AMOTL1: variants seen among roughly 807,000 people sequenced by gnomAD.
AMOTL1 encodes angiomotin like 1.
In AMOTL1, 45 loss-of-function variants were observed where a neutral mutation model predicts 102.9. That is an observed-to-expected ratio of 0.44 (90% CI 0.34 to 0.56). The LOEUF (loss-of-function observed/expected upper bound fraction) is 0.56. AMOTL1 is among the 20% of genes least tolerant of loss of function. AMOTL1 has a pLI of 0.01. For missense variants in AMOTL1, 1,114 were observed against 1,225.6 expected, an observed-to-expected ratio of 0.91 and a Z score of 1.36; for synonymous variants, 481 against 484.7, an observed-to-expected ratio of 0.99 and a Z score of 0.10.
intron 3 of AMOTL1, among the ~76,000 whole-genome samples, chr11:94,808,965 CTTTTTT>C (rs199619372): frequency 2.8e-4 from 31 of 111,910 alleles, no homozygotes; most frequent in Admixed American, 1.1e-3. Context: ...TTCTTTCTTT[CTTTTTT>C]TTTTTTTTTT....
At chr11:94,793,464 C>CTGG (rs1951318686) in intron 1 of AMOTL1, among the ~76,000 whole-genome samples, 1 of 152,208 alleles carries the variant, frequency 6.6e-6, no homozygotes, top group African/African-American at 2.4e-5. Flanking sequence ...TTGAATAGAT[C>CTGG]TGGGTGGTTC....
rs373703448 is a variant in AMOTL1 at position 94,817,215 on chromosome 11, CT to C, written c.1122-4305del. ...TGCTCTCAAAGAATAAAGGTTTATG[CT>C]TTTTTTTTTGGAAATCGTTGAGTTA... is the stretch of plus-strand genomic sequence containing the variant. On this transcript the variant is annotated intron_variant, in intron 3 of 12. Transcript: ENST00000433060. Among the ~76,000 whole-genome samples the C allele has an allele frequency of 9.4e-3, 1,380 of 147,456 alleles. 20 individuals carry two copies. The highest frequency in any genetic ancestry group is 0.032 in the African/African-American group (1,272 of 40,250).
In AMOTL1 at chr11:94,800,122, C is replaced by T; in HGVS notation, c.932C>T (p.Pro311Leu). ...GKVLDPRGPP[P>L]EYPFKTKQMM... The stretch of plus-strand genomic sequence containing the variant: ...GTGCTGGACCCTCGGGGTCCTCCAC[C>T]TGAGTACCCCTTCAAGACCAAGCAA... Residue 311 changes from proline (P) to leucine (L), a missense_variant, in exon 3 of 13, where the codon CCT becomes CTT. Transcript: ENST00000433060. The T allele has an allele frequency of 2.5e-6, 4 of 1,613,974 alleles. No individual in the cohort carries two copies. The highest frequency in any genetic ancestry group is 3.4e-6 in the Non-Finnish European group (4 of 1,179,886).
intron 1 of AMOTL1, among the ~76,000 whole-genome samples, chr11:94,781,842 GAAAAAAAAA>G (rs780080729): frequency 1.8e-5 from 2 of 109,428 alleles, no homozygotes; most frequent in African/African-American, 6.8e-5. Flanking sequence ...TCAAAAAGAA[GAAAAAAAAA>G]AAAAGAAAAA....
intron 6 of AMOTL1, among the ~76,000 whole-genome samples, chr11:94,831,907 T>C (rs1452202520): frequency 6.6e-6 from 1 of 152,190 alleles, no homozygotes; most frequent in Admixed American, 6.5e-5. Context: ...TGGTTCTCTC[T>C]AGGGAGGTTT....
Position 94,855,539 on chromosome 11 carries a change from A to G in AMOTL1, c.1944+1457A>G, listed in dbSNP as rs564869287. On this transcript the variant is annotated intron_variant, in intron 8 of 12. Transcript: ENST00000433060. ...CACTGGCCCACAGTAGACACTGATT[A>G]GTCTTTCTTTGGCTAACCAAATGGG... 2.7e-4 allele frequency among the ~76,000 whole-genome samples: 41 copies of G among 152,272 alleles called. 1 individual carries two copies. In the South Asian group the frequency reaches 8.3e-3, roughly 31 times the overall value.
rs775540268 is a variant in AMOTL1 at position 94,870,763 on chromosome 11, C to T, written c.2839C>T (p.Pro947Ser). 9 of 1,601,506 alleles carry T rather than the reference C, an allele frequency of 5.6e-6. No individual in the cohort carries two copies. In the African/African-American group the frequency reaches 9.4e-5, roughly 17 times the overall value. The change falls in exon 13 of 13, where the codon CCT becomes TCT. Residue 947 changes from proline to serine, a missense_variant. Pro to Ser is a moderately conservative substitution (Grantham distance 74, BLOSUM62 -1). Coordinates refer to ENST00000433060, the MANE Select transcript of AMOTL1 (RefSeq NM_130847.3). ...VSSLLHKPEF[P>S]DGEMMEVLI The stretch of plus-strand genomic sequence containing the variant: ...CAGCTTGCTGCACAAGCCCGAGTTC[C>T]CTGATGGAGAGATGATGGAAGTCCT...
intron 2 of AMOTL1, 87 bp downstream of exon 2, chr11:94,795,247 T>C: frequency 6.8e-7 from 1 of 1,475,810 alleles, no homozygotes; most frequent in Non-Finnish European, 9.2e-7. Flanking sequence ...TTCAGATGTT[T>C]ATTCTCTAAT....
At position 94,799,541 on chromosome 11, in the gene AMOTL1, C is replaced by T; in HGVS notation, c.351C>T (p.Asn117=). The T allele has an allele frequency of 6.2e-7, 1 of 1,613,812 alleles. No individual in the cohort carries two copies. Among genetic ancestry groups the T allele is most frequent in the East Asian group, 2.2e-5 (1 of 44,854 alleles). ...LRYGTPTENM[N]LLAIQHQATG... ...ATGGCACCCCAACCGAGAACATGAACTTGCTGGCCATTCAGCACCAGGCCA... is the reference window on the plus strand; with the variant it reads ...ATGGCACCCCAACCGAGAACATGAATTTGCTGGCCATTCAGCACCAGGCCA... Residue 117 remains asparagine (N), a synonymous_variant, in exon 3 of 13, where the codon AAC becomes AAT. Transcript: ENST00000433060. The surrounding 1 kb of genome is among the most constrained non-coding windows in gnomAD (Gnocchi z 4.5).
intron 6 of AMOTL1, among the ~76,000 whole-genome samples, chr11:94,843,069 AGCAGAAAGCT>A (rs1277208665): frequency 6.6e-6 from 1 of 152,250 alleles, no homozygotes; most frequent in African/African-American, 2.4e-5. Flanking sequence ...GCTCAGGGAC[AGCAGAAAGCT>A]GAAGACCCTT....
intron 6 of AMOTL1, 28 bp from the exon 7 acceptor site, chr11:94,850,086 G>T: frequency 6.4e-7 from 1 of 1,567,670 alleles, no homozygotes; most frequent in Non-Finnish European, 8.7e-7. Context: ...TTCTGATAGA[G>T]GTAGTTTTGT....
intron 1 of AMOTL1, among the ~76,000 whole-genome samples, chr11:94,721,622 G>C (rs890082565): frequency 6.6e-6 from 1 of 152,074 alleles, no homozygotes; most frequent in African/African-American, 2.4e-5. Flanking sequence ...GTGGTCATCA[G>C]CAACCTAGGA....
intron 3 of AMOTL1, among the ~76,000 whole-genome samples, chr11:94,762,354 C>T (rs1370125926): frequency 6.6e-6 from 1 of 152,126 alleles, no homozygotes; most frequent in African/African-American, 2.4e-5. Context: ...AATTTTGCCC[C>T]CTAGGGGACA....
intron 3 of AMOTL1, among the ~76,000 whole-genome samples, chr11:94,742,796 G>A (rs1284159051): frequency 6.6e-6 from 1 of 152,140 alleles, no homozygotes; most frequent in African/African-American, 2.4e-5. Context: ...AAACTGGCAG[G>A]TTCAGTGTCT....
At position 94,800,247 on chromosome 11, in the gene AMOTL1, C is replaced by T; in HGVS notation, c.1057C>T (p.Gln353Ter). The T allele has an allele frequency of 6.2e-7, 1 of 1,613,960 alleles. No individual in the cohort carries two copies. Among genetic ancestry groups the T allele is most frequent in the South Asian group, 1.1e-5 (1 of 91,062 alleles). Residue 353 changes from glutamine to a stop codon, truncating the protein, a stop_gained, in exon 3 of 13, where the codon CAG becomes TAG. Coordinates refer to ENST00000433060, the MANE Select transcript of AMOTL1 (RefSeq NM_130847.3). LOFTEE classifies it high-confidence loss of function. ...HEMVKPYPAPQPVRTDVAVLR... is the reference protein window; with the variant it reads ...HEMVKPYPAP ...GATGGTCAAGCCCTACCCTGCTCCT[C>T]AGCCTGTGAGAACAGATGTGGCCGT...
At chr11:94,854,132 C>T (rs1451351514) in intron 8 of AMOTL1, 50 bp downstream of exon 8, 1 of 1,475,152 alleles carries the variant, frequency 6.8e-7, no homozygotes. Flanking sequence ...GTTCACTCAG[C>T]AAACGTATGG....
At chr11:94,770,479 G>A (rs1218592901) in intron 1 of AMOTL1, among the ~76,000 whole-genome samples, 2 of 152,100 alleles carry the variant, frequency 1.3e-5, no homozygotes, top group African/African-American at 2.4e-5. Flanking sequence ...GGATGAGGAT[G>A]TTTAGTTCTT....
intron 3 of AMOTL1, among the ~76,000 whole-genome samples, chr11:94,805,040 A>C (rs1951545280): frequency 1.3e-5 from 2 of 152,282 alleles, no homozygotes; most frequent in South Asian, 4.1e-4. Context: ...GCAGCTTGCA[A>C]GTGCAGGAGC....
Position 94,873,926 on chromosome 11 carries a change from C to A in AMOTL1, c.*3131C>A, listed in dbSNP as rs1361550804. 6.6e-6 allele frequency: 1 copy of A among 152,220 alleles called. No individual in the cohort carries two copies. Among genetic ancestry groups the A allele is most frequent in the Non-Finnish European group, 1.5e-5 (1 of 68,046 alleles). 9.4% of individuals were successfully genotyped at this position (152,220 alleles called of 1,614,324 possible). ...TTGTGTTCCACCAGAAGCACAGCTC[C>A]AAACTATACCTAAAAAATATTTCTG... On this transcript the variant is annotated 3_prime_UTR_variant, in exon 13 of 13. Coordinates refer to ENST00000433060, the MANE Select transcript of AMOTL1 (RefSeq NM_130847.3).
Sources: gnomAD v4.1 joint callset for allele counts (sites outside exome capture counted in the v4.1 genomes callset) on GRCh38, gnomAD v4.1.1 for gene constraint, Gnocchi (gnomAD v3.1) non-coding constraint, MANE v1.5 for transcripts, NCBI Gene and HGNC (gene_info 2026-07-23, HGNC 2026-07-21) for gene names.